The following NDUFA10 variants were observed in gnomAD, a reference collection of about 807,000 sequenced individuals.
NDUFA10 encodes NADH:ubiquinone oxidoreductase subunit A10.
NDUFA10 carries 40 observed loss-of-function variants against 47.8 expected under a neutral mutation model. The observed-to-expected ratio is 0.84, with a 90% CI of 0.65 to 1.09. The LOEUF is 1.09. NDUFA10 is among the 50% of genes least tolerant of loss of function. The pLI is 0.00. For synonymous variants in NDUFA10, 183 were observed against 172.2 expected (o/e 1.06, Z -0.49); for missense variants, 413 against 451.1 (o/e 0.92, Z 0.76).
At chr2:239,979,065 C>T (rs1401305976) in intron 9 of NDUFA10, among the ~76,000 whole-genome samples, 1 of 152,170 alleles carries the variant, frequency 6.6e-6, no homozygotes, top group Non-Finnish European at 1.5e-5. Flanking sequence ...GCCTCCCCAG[C>T]GTCACACCAC....
intron 6 of NDUFA10, among the ~76,000 whole-genome samples, chr2:240,010,713 G>C (rs1411260398): frequency 1.3e-5 from 2 of 152,006 alleles, no homozygotes; most frequent in African/African-American, 4.8e-5. Flanking sequence ...TCCCTGAATA[G>C]AACATTTCTC....
chr2:239,915,106 C>T (rs1331838771), intron 4 of NDUFA10, among the ~76,000 whole-genome samples: 2 of 117,636 alleles, frequency 1.7e-5, no homozygotes, highest in African/African-American at 6.6e-5. Context: ...CACAAACATA[C>T]ACACACACAG....
At chr2:240,023,486 C>T (rs955635802) in intron 1 of NDUFA10, among the ~76,000 whole-genome samples, 6 of 152,120 alleles carry the variant, frequency 3.9e-5, no homozygotes, top group African/African-American at 1.2e-4. Context: ...ACCTAGAGGA[C>T]GCTGGGTCTA....
At chr2:239,988,254 T>C (rs906494072) in intron 9 of NDUFA10, among the ~76,000 whole-genome samples, 2 of 152,162 alleles carry the variant, frequency 1.3e-5, no homozygotes, top group African/African-American at 2.4e-5. Flanking sequence ...TACATAAATA[T>C]TGAATAAACT....
intron 4 of NDUFA10, among the ~76,000 whole-genome samples, chr2:239,932,880 C>T (rs894940106): frequency 6.6e-6 from 1 of 152,212 alleles, no homozygotes; most frequent in African/African-American, 2.4e-5. Context: ...CGCGCCTGGC[C>T]TCTGATCAAA....
At chr2:239,973,030 T>C (rs1695364335) in intron 9 of NDUFA10, among the ~76,000 whole-genome samples, 1 of 152,150 alleles carries the variant, frequency 6.6e-6, no homozygotes, top group South Asian at 2.1e-4. Context: ...AAGATCACCT[T>C]TTATGCTCAT....
At position 239,938,521 on chromosome 2, in the gene NDUFA10, C is replaced by T. The variant is rs1694306311; in HGVS notation, c.295-43207G>A. On this transcript the variant is annotated intron_variant, in intron 4 of 5. Transcript: ENST00000419408. ...TTCTATGTGTGTGAGCTTCAGGATGCCTCTTCCAGGATGCCCTGGGAGGCG... is the reference window on the plus strand; with the variant it reads ...TTCTATGTGTGTGAGCTTCAGGATGTCTCTTCCAGGATGCCCTGGGAGGCG... Among the ~76,000 whole-genome samples, 5 of 152,330 alleles carry T rather than the reference C, an allele frequency of 3.3e-5. No homozygotes were observed. In the South Asian group the frequency reaches 6.2e-4, roughly 19 times the overall value.
chr2:239,996,919 T>C (rs139050978), intron 8 of NDUFA10, among the ~76,000 whole-genome samples: 13,334 of 152,108 alleles, frequency 0.088, 690 homozygotes, highest in Admixed American at 0.14. Context: ...TGGACACCCC[T>C]GCTTTAAATC....
At chr2:239,969,990 C>T (rs1324693836) in intron 9 of NDUFA10, among the ~76,000 whole-genome samples, 1 of 152,154 alleles carries the variant, frequency 6.6e-6, no homozygotes, top group Non-Finnish European at 1.5e-5. Flanking sequence ...AAATGATAAC[C>T]AAACACTTTC....
intron 4 of NDUFA10, among the ~76,000 whole-genome samples, chr2:239,919,920 T>C (rs535233190): frequency 6.6e-6 from 1 of 152,270 alleles, no homozygotes; most frequent in East Asian, 1.9e-4. Flanking sequence ...CTGGTGCCCC[T>C]GCCTACGCCA....
At chr2:239,911,339 A>G (rs565744603) in intron 4 of NDUFA10, among the ~76,000 whole-genome samples, 2 of 151,960 alleles carry the variant, frequency 1.3e-5, no homozygotes, top group Non-Finnish European at 2.9e-5. Context: ...CTTTTCCAGC[A>G]GGCTCCCCTT....
chr2:239,899,446 GT>G (rs1388925688), intron 4 of NDUFA10, among the ~76,000 whole-genome samples: 1 of 142,792 alleles, frequency 7.0e-6, no homozygotes, highest in Non-Finnish European at 1.5e-5. Context: ...AATGTGGAGG[GT>G]TGTGATGGAG....
chr2:239,905,614 C>G (rs1048370216), intron 4 of NDUFA10, among the ~76,000 whole-genome samples: 14 of 150,498 alleles, frequency 9.3e-5, no homozygotes, highest in Admixed American at 7.3e-4. Context: ...TGAGGTCAGT[C>G]GGATTTCCTT....
chr2:239,902,923 A>T (rs531712300), intron 4 of NDUFA10, among the ~76,000 whole-genome samples: 2 of 152,292 alleles, frequency 1.3e-5, no homozygotes, highest in East Asian at 1.9e-4. Context: ...AATTAAAACG[A>T]AGAGACAGCA....
At chr2:240,008,667 T>A (rs973249609) in intron 6 of NDUFA10, among the ~76,000 whole-genome samples, 2 of 152,228 alleles carry the variant, frequency 1.3e-5, no homozygotes, top group Non-Finnish European at 2.9e-5. Flanking sequence ...AGAGTGGTCA[T>A]GAGAGATCAG....
At chr2:239,942,305 A>G (rs780543747) in intron 4 of NDUFA10, among the ~76,000 whole-genome samples, 1 of 152,260 alleles carries the variant, frequency 6.6e-6, no homozygotes, top group Non-Finnish European at 1.5e-5. Context: ...CCCACCCACC[A>G]GGGCGCCTGA....
At chr2:240,022,384 G>A in intron 1 of NDUFA10, 44 bp from the exon 2 acceptor site, 1 of 1,612,866 alleles carries the variant, frequency 6.2e-7, no homozygotes, top group Non-Finnish European at 8.5e-7. Flanking sequence ...TGACCACTCT[G>A]GTTCCTGTAG....
chr2:239,961,856 G>A (rs1303239518), intron 9 of NDUFA10, among the ~76,000 whole-genome samples: 9 of 152,342 alleles, frequency 5.9e-5, no homozygotes, highest in Admixed American at 5.9e-4. Flanking sequence ...CCAGTGGGGG[G>A]CTGAGCTTGG....
chr2:239,903,721 A>C (rs1274368011), intron 4 of NDUFA10, among the ~76,000 whole-genome samples: 1 of 152,112 alleles, frequency 6.6e-6, no homozygotes, highest in African/African-American at 2.4e-5. Context: ...ATTTCCTGCA[A>C]TTTCCTTCCC....
Sources: allele counts gnomAD v4.1 joint callset (sites outside exome capture counted in the v4.1 genomes callset), GRCh38; gene constraint gnomAD v4.1.1; transcripts MANE v1.5; gene names NCBI Gene and HGNC (gene_info 2026-07-23, HGNC 2026-07-21).